The following GALNT13 variants were observed in gnomAD, a reference collection of about 807,000 sequenced individuals.
GALNT13 encodes the protein polypeptide N-acetylgalactosaminyltransferase 13.
In GALNT13, 28 loss-of-function variants were observed where a neutral mutation model predicts 64.2. The ratio of observed to expected loss-of-function variants is 0.44; its 90% CI spans 0.32 to 0.60. GALNT13 has a LOEUF of 0.60. Ranked by LOEUF, GALNT13 falls within the 20% of genes least tolerant of loss-of-function variation. The pLI is 0.05. For missense variants in GALNT13, 577 were observed against 669.8 expected (o/e 0.86, Z 1.53); for synonymous variants, 214 against 224.6 (o/e 0.95, Z 0.42).
At chr2:153,151,096 A>G in the GALNT13 span, among the ~76,000 whole-genome samples, 2 of 152,238 alleles carry the variant, frequency 1.3e-5, no homozygotes, top group South Asian at 4.1e-4. Flanking sequence ...CTTCCTACCC[A>G]AGAGCATGGA....
the GALNT13 span, among the ~76,000 whole-genome samples, chr2:153,430,192 A>C: frequency 4.6e-5 from 7 of 152,270 alleles, no homozygotes; most frequent in Admixed American, 3.3e-4. Context: ...AGATTTGTAC[A>C]TACTTTGAAC....
the GALNT13 span, among the ~76,000 whole-genome samples, chr2:153,301,198 T>TGCACGAGAGGCTGGG: frequency 6.7e-6 from 1 of 150,068 alleles, no homozygotes; most frequent in Non-Finnish European, 1.5e-5. Context: ...CCTTACCAGC[T>TGCACGAGAGGCTGGG]GCACGAGAGG....
the GALNT13 span, among the ~76,000 whole-genome samples, chr2:153,413,647 A>T: frequency 6.6e-6 from 1 of 152,198 alleles, no homozygotes; most frequent in Non-Finnish European, 1.5e-5. Context: ...TAATTCTTTC[A>T]GATCCCTAGT....
chr2:153,784,468 G>A, the GALNT13 span, among the ~76,000 whole-genome samples: 2 of 152,178 alleles, frequency 1.3e-5, no homozygotes, highest in Non-Finnish European at 2.9e-5. Flanking sequence ...GGCTAATGAT[G>A]CAATAGAAAA....
At chr2:153,565,752 C>T in the GALNT13 span, among the ~76,000 whole-genome samples, 2 of 152,074 alleles carry the variant, frequency 1.3e-5, no homozygotes, top group African/African-American at 4.8e-5. Flanking sequence ...ATTTATGTCT[C>T]TAAATATATA....
the GALNT13 span, among the ~76,000 whole-genome samples, chr2:153,496,436 T>C: frequency 1.3e-5 from 2 of 152,344 alleles, no homozygotes; most frequent in East Asian, 1.9e-4. Flanking sequence ...TTGCACTGCA[T>C]AGAACATTTG....
chr2:153,648,626 T>C, the GALNT13 span, among the ~76,000 whole-genome samples: 1 of 152,174 alleles, frequency 6.6e-6, no homozygotes, highest in East Asian at 1.9e-4. Context: ...TCTTATGATT[T>C]TGAGATACGT....
the GALNT13 span, among the ~76,000 whole-genome samples, chr2:153,371,413 A>C: frequency 0.36 from 54,133 of 152,004 alleles, 10,364 homozygotes; most frequent in Non-Finnish European, 0.44. Flanking sequence ...GGTTGTCTGC[A>C]TAGAAAGTCT....
chr2:154,023,529 T>G (rs1280311679), intron 3 of GALNT13, among the ~76,000 whole-genome samples: 1 of 152,172 alleles, frequency 6.6e-6, no homozygotes, highest in Non-Finnish European at 1.5e-5. Context: ...CTGCCTTTTT[T>G]TGTTTTCCAT....
the GALNT13 span, among the ~76,000 whole-genome samples, chr2:153,335,781 A>T: frequency 1.3e-5 from 2 of 152,232 alleles, no homozygotes; most frequent in Non-Finnish European, 2.9e-5. Context: ...AATCTCCAAG[A>T]CCATGGGGAA....
the GALNT13 span, among the ~76,000 whole-genome samples, chr2:153,688,463 A>G: frequency 6.6e-6 from 1 of 152,034 alleles, no homozygotes; most frequent in African/African-American, 2.4e-5. Flanking sequence ...CTTTTGAAAT[A>G]TGTTTCCAGA....
At chr2:153,227,584 G>T in the GALNT13 span, among the ~76,000 whole-genome samples, 2 of 152,076 alleles carry the variant, frequency 1.3e-5, no homozygotes, top group East Asian at 1.9e-4. Flanking sequence ...AAATTTTCTC[G>T]AATTTCTTCA....
intron 4 of GALNT13, among the ~76,000 whole-genome samples, chr2:154,171,378 G>T (rs1433091156): frequency 6.6e-6 from 1 of 152,068 alleles, no homozygotes; most frequent in African/African-American, 2.4e-5. Context: ...ACGACAATAT[G>T]TAGAAAAGCA....
chr2:153,828,069 G>T, the GALNT13 span, among the ~76,000 whole-genome samples: 1 of 152,350 alleles, frequency 6.6e-6, no homozygotes, highest in East Asian at 1.9e-4. Context: ...GGTTCCCATA[G>T]TATTGGGAAG....
At position 153,985,509 on chromosome 2, in the gene GALNT13, G is replaced by C. The variant is rs148262689; in HGVS notation, c.142+40870G>C. Among the ~76,000 whole-genome samples the C allele has an allele frequency of 4.2e-3, 633 of 152,050 alleles. 4 individuals are homozygous for C. The highest frequency in any genetic ancestry group is 0.015 in the African/African-American group (604 of 41,530). ...TCATAGGACTGTGAGTGACTGGAGA[G>C]AATGGATTTTCATATCATTTGTTCT... On this transcript the variant is annotated intron_variant, in intron 3 of 12. Transcript: ENST00000392825.
chr2:153,738,937 A>G, the GALNT13 span, among the ~76,000 whole-genome samples: 1 of 151,868 alleles, frequency 6.6e-6, no homozygotes, highest in Non-Finnish European at 1.5e-5. Context: ...AACACCCCAA[A>G]ACTAACCACT....
intron 3 of GALNT13, among the ~76,000 whole-genome samples, chr2:154,136,144 A>G (rs545025270): frequency 7.9e-5 from 12 of 152,352 alleles, no homozygotes; most frequent in Admixed American, 7.8e-4. Context: ...AAGTAATGAA[A>G]GTGAAAGATC....
chr2:153,387,273 C>T, the GALNT13 span, among the ~76,000 whole-genome samples: 21 of 152,024 alleles, frequency 1.4e-4, no homozygotes, highest in Non-Finnish European at 2.4e-4. Context: ...TATGCTTGTT[C>T]CATCATGATC....
intron 3 of GALNT13, among the ~76,000 whole-genome samples, chr2:154,013,321 G>GC (rs34320771): frequency 0.77 from 115,885 of 151,282 alleles, 44,781 homozygotes; most frequent in East Asian, 0.96. Flanking sequence ...GGGCCGGGAA[G>GC]CCCCAGCTGT....
Sources: gnomAD v4.1 joint callset for allele counts (sites outside exome capture counted in the v4.1 genomes callset) on GRCh38, gnomAD v4.1.1 for gene constraint, MANE v1.5 for transcripts, NCBI Gene and HGNC (gene_info 2026-07-23, HGNC 2026-07-21) for gene names.